KMT5A: variants seen among roughly 807,000 people sequenced by gnomAD.
KMT5A encodes N-lysine methyltransferase KMT5A.
A neutral mutation model predicts 40.6 loss-of-function variants in KMT5A; 6 were observed. The ratio of observed to expected loss-of-function variants is 0.15; its 90% CI spans 0.08 to 0.29. The LOEUF (loss-of-function observed/expected upper bound fraction) is 0.29. Among genes scored for constraint, KMT5A ranks in the 10% least tolerant of loss-of-function variants. The probability of loss-of-function intolerance (pLI) is 1.00; values close to 1 mark genes in which losing one functional copy is unlikely to be tolerated. For synonymous variants in KMT5A, 153 were observed against 178.8 expected (o/e 0.86, Z 1.15); for missense variants, 308 against 459.1 (o/e 0.67, Z 3.01).
chr12:123,408,126 G>A lies in KMT5A; in HGVS notation c.*423G>A, dbSNP rs1878700147. On this transcript the variant is annotated 3_prime_UTR_variant, in exon 8 of 8. Transcript: ENST00000402868. ...TCCAGGGACGGGGTGTGAGGAAGAC[G>A]CTGCCTCCCAATGGCCTGGACGGGA... 1.6e-5 allele frequency: 3 copies of A among 185,046 alleles called. No individual in the cohort carries two copies. The South Asian group carries it at 3.1e-4, about 19-fold the overall frequency. The allele number at this position is 185,046 out of a possible 1,614,324, so 11.5% of individuals were successfully genotyped here.
At chr12:123,402,945 G>A (rs1346824868) in intron 5 of KMT5A, among the ~76,000 whole-genome samples, 2 of 152,214 alleles carry the variant, frequency 1.3e-5, no homozygotes, top group Admixed American at 1.3e-4. Flanking sequence ...GTCTTGCTGT[G>A]TCGCCCAGGC....
At chr12:123,392,252 C>G (rs1877368159) in intron 3 of KMT5A, among the ~76,000 whole-genome samples, 1 of 152,184 alleles carries the variant, frequency 6.6e-6, no homozygotes, top group African/African-American at 2.4e-5. Context: ...ATGGTAGTTG[C>G]CCGGACTCTA....
At position 123,389,435 on chromosome 12, in the gene KMT5A, A is replaced by C; in HGVS notation, c.13A>C (p.Arg5=). 1.9e-6 allele frequency: 2 copies of C among 1,059,188 alleles called. No individual in the cohort carries two copies. The highest frequency in any genetic ancestry group is 4.4e-5 in the South Asian group (1 of 22,732). 65.6% of individuals were successfully genotyped at this position (1,059,188 alleles called of 1,614,324 possible). MARG[R]KMSKPRAVEA... ...TTCCCCCGGGTCCCCTTCTCCAGGC[A>C]GGAAGATGTCCAAGCCCCGCGCGGT... The change falls in exon 2 of 8, where the codon AGG becomes CGG. Residue 5 remains arginine (R), a splice_region_variant and synonymous_variant. Transcript: ENST00000402868.
intron 7 of KMT5A, among the ~76,000 whole-genome samples, chr12:123,405,804 G>A (rs1005604343): frequency 6.6e-6 from 1 of 150,378 alleles, no homozygotes; most frequent in Non-Finnish European, 1.5e-5. Flanking sequence ...GAGCCACTGC[G>A]CCTGGCCCCA....
At chr12:123,393,330 C>T (rs1225050040) in intron 3 of KMT5A, among the ~76,000 whole-genome samples, 4 of 152,132 alleles carry the variant, frequency 2.6e-5, no homozygotes, top group African/African-American at 7.2e-5. Context: ...TCCATCACCC[C>T]AGAAAGGTAC....
chr12:123,389,983 C>G (rs1228520491), intron 2 of KMT5A: 1 of 452,492 alleles, frequency 2.2e-6, no homozygotes, highest in Non-Finnish European at 4.5e-6. Context: ...TGAACCGCCC[C>G]ACCGCCCCGT....
intron 1 of KMT5A, among the ~76,000 whole-genome samples, chr12:123,387,995 T>C (rs955467485): frequency 6.6e-6 from 1 of 152,238 alleles, no homozygotes; most frequent in African/African-American, 2.4e-5. Context: ...CATCTATGAC[T>C]TTGCACAAAT....
At chr12:123,385,641 C>T (rs1380521310) in intron 1 of KMT5A, among the ~76,000 whole-genome samples, 4 of 152,072 alleles carry the variant, frequency 2.6e-5, no homozygotes, top group African/African-American at 7.2e-5. Context: ...CACCTGAGGT[C>T]GGGAGTTCGA....
chr12:123,387,817 C>G (rs1876966864), intron 1 of KMT5A, among the ~76,000 whole-genome samples: 1 of 152,208 alleles, frequency 6.6e-6, no homozygotes, highest in Admixed American at 6.5e-5. Flanking sequence ...TTATGGAATT[C>G]AAGGTTCTTG....
intron 5 of KMT5A, 62 bp from the exon 6 acceptor site, chr12:123,403,511 C>G (rs1016702393): frequency 1.3e-6 from 2 of 1,584,948 alleles, no homozygotes; most frequent in African/African-American, 2.7e-5. Context: ...TCAAGACCAT[C>G]AAGCTACGCA....
At chr12:123,405,517 CTTTTTTTTTTTTTTTTTT>C (rs35093204) in intron 7 of KMT5A, among the ~76,000 whole-genome samples, 3 of 78,046 alleles carry the variant, frequency 3.8e-5, no homozygotes, top group East Asian at 3.3e-4. Flanking sequence ...CGCCTGCTTC[CTTTTTTTTTTTTTTTTTT>C]TTTTTTTTGA....
At chr12:123,396,522 C>T (rs1241311488) in intron 5 of KMT5A, 90 bp downstream of exon 5, 3 of 1,232,416 alleles carry the variant, frequency 2.4e-6, no homozygotes, top group Admixed American at 1.9e-5. Flanking sequence ...TGTCCTCAGC[C>T]TTGTTTTCGT....
chr12:123,389,664 T>G, intron 2 of KMT5A, 110 bp downstream of exon 2: 1 of 815,362 alleles, frequency 1.2e-6, no homozygotes, highest in Non-Finnish European at 1.5e-6. Context: ...GCCGCTTCCT[T>G]TGCTGCCGCC....
intron 6 of KMT5A, 76 bp downstream of exon 6, chr12:123,403,708 T>C (rs1182139844): frequency 6.4e-7 from 1 of 1,557,214 alleles, no homozygotes; most frequent in Admixed American, 1.7e-5. Flanking sequence ...TGGCTGAGAG[T>C]GGCCACCATG....
In KMT5A at chr12:123,401,550, C is replaced by G. The variant is rs569768322; in HGVS notation, c.598-2023C>G. Among the ~76,000 whole-genome samples the G allele has an allele frequency of 1.9e-3, 285 of 151,284 alleles. 1 individual carries two copies. Among genetic ancestry groups the G allele is most frequent in the Admixed American group, 6.2e-3 (94 of 15,164 alleles). On this transcript the variant is annotated intron_variant, in intron 5 of 7. Coordinates refer to ENST00000402868, the MANE Select transcript of KMT5A (RefSeq NM_020382.7). ...ATGTGAGGTTTTGTTAGGTATATTA[C>G]TATTAAATAAGTTTATGGGAAGGTT...
intron 5 of KMT5A, among the ~76,000 whole-genome samples, chr12:123,398,876 G>GT (rs1261569693): frequency 6.6e-6 from 1 of 152,382 alleles, no homozygotes; most frequent in East Asian, 1.9e-4. Context: ...ACAGCCTGTT[G>GT]TTGGCCAGAT....
At chr12:123,387,501 A>G (rs1876947783) in intron 1 of KMT5A, among the ~76,000 whole-genome samples, 1 of 152,242 alleles carries the variant, frequency 6.6e-6, no homozygotes, top group South Asian at 2.1e-4. Context: ...CCTGGTTATC[A>G]GAGTGTCACT....
At position 123,406,067 on chromosome 12, in the gene KMT5A, C is replaced by T. The variant is rs553793887; in HGVS notation, c.848+993C>T. On this transcript the variant is annotated intron_variant, in intron 7 of 7. Coordinates refer to ENST00000402868, the MANE Select transcript of KMT5A (RefSeq NM_020382.7). ...ATCTCCTAACCTTGTGACCTGCCCA[C>T]CTTGGCCTCCCAAAGTGCTGGGATT... Among the ~76,000 whole-genome samples the T allele has an allele frequency of 2.0e-5, 3 of 152,278 alleles. No homozygotes were observed. In the South Asian group the frequency reaches 6.2e-4, roughly 32 times the overall value.
intron 6 of KMT5A, among the ~76,000 whole-genome samples, chr12:123,404,233 AGAG>A (rs1366411345): frequency 1.3e-5 from 2 of 152,210 alleles, no homozygotes; most frequent in Non-Finnish European, 2.9e-5. Context: ...AGTTTGGGCG[AGAG>A]GAGAAGTACT....
Sources: gnomAD v4.1 joint callset for allele counts (sites outside exome capture counted in the v4.1 genomes callset) on GRCh38, gnomAD v4.1.1 for gene constraint, MANE v1.5 for transcripts, NCBI Gene and HGNC (gene_info 2026-07-23, HGNC 2026-07-21) for gene names.